ERBB4: variants seen among roughly 807,000 people sequenced by gnomAD.
ERBB4 encodes the protein erb-b2 receptor tyrosine kinase 4.
Under a neutral mutation model 158.0 loss-of-function variants are expected in ERBB4, and 42 were observed. That is an observed-to-expected ratio of 0.27 (90% CI 0.21 to 0.34). ERBB4 has a LOEUF of 0.34. Among genes scored for constraint, ERBB4 ranks in the 10% least tolerant of loss-of-function variants. The pLI is 1.00. For missense variants in ERBB4, 1,333 were observed against 1,624.1 expected (o/e 0.82, Z 3.08); for synonymous variants, 583 against 558.7 (o/e 1.04, Z -0.61).
intron 2 of ERBB4, among the ~76,000 whole-genome samples, chr2:212,074,374 T>C (rs1375652895): frequency 1.3e-5 from 2 of 151,956 alleles, no homozygotes; most frequent in Non-Finnish European, 1.5e-5. Context: ...AACTTGAGGA[T>C]TGCGGATTAT....
At chr2:212,260,726 T>C (rs573704896) in intron 1 of ERBB4, among the ~76,000 whole-genome samples, 2 of 151,878 alleles carry the variant, frequency 1.3e-5, no homozygotes, top group East Asian at 1.9e-4. Flanking sequence ...TCCAGGAGAA[T>C]TGTTTAAACC....
At chr2:211,415,996 T>C (rs1243776637) in intron 25 of ERBB4, among the ~76,000 whole-genome samples, 3 of 152,198 alleles carry the variant, frequency 2.0e-5, no homozygotes, top group Non-Finnish European at 2.9e-5. Context: ...TTCACTAATG[T>C]GGAGTAGCTA....
At chr2:211,966,916 G>A (rs559070205) in intron 2 of ERBB4, among the ~76,000 whole-genome samples, 1 of 152,210 alleles carries the variant, frequency 6.6e-6, no homozygotes, top group Admixed American at 6.5e-5. Context: ...TAGGTCAGGA[G>A]CTTCAGGTGA....
chr2:211,926,704 A>G (rs2080029280), intron 3 of ERBB4, among the ~76,000 whole-genome samples: 1 of 152,088 alleles, frequency 6.6e-6, no homozygotes, highest in Non-Finnish European at 1.5e-5. Context: ...ATCTCTATCT[A>G]TACTTCTCTA....
chr2:211,608,938 CATT>C (rs2069086957), intron 19 of ERBB4, among the ~76,000 whole-genome samples: 1 of 152,086 alleles, frequency 6.6e-6, no homozygotes, highest in African/African-American at 2.4e-5. Flanking sequence ...ACTTTCTAAA[CATT>C]AAGAAGATTT....
intron 2 of ERBB4, among the ~76,000 whole-genome samples, chr2:212,035,123 C>T (rs1406366599): frequency 6.6e-6 from 1 of 152,148 alleles, no homozygotes; most frequent in Non-Finnish European, 1.5e-5. Context: ...TTGAGAAACA[C>T]TATTAAAAGA....
In ERBB4 at chr2:211,939,966, A is replaced by AT. The variant is rs1553517050; in HGVS notation, c.421+7463_421+7464insA. On this transcript the variant is annotated intron_variant, in intron 3 of 27. Transcript: ENST00000342788. ...CGTCTCAAAAAAAAAGGAAAAAAAA[A>AT]ATATATATATATATGTATATAGATA... Among the ~76,000 whole-genome samples, 236 of 137,430 alleles carry AT rather than the reference A, an allele frequency of 1.7e-3. 2 individuals carry two copies. Among genetic ancestry groups the AT allele is most frequent in the South Asian group, 5.1e-3 (23 of 4,492 alleles). The allele number at this position is 137,430 out of a possible 152,430, so 90.2% of individuals were successfully genotyped here.
At chr2:212,293,517 C>T (rs1282584150) in intron 1 of ERBB4, among the ~76,000 whole-genome samples, 1 of 151,996 alleles carries the variant, frequency 6.6e-6, no homozygotes, top group African/African-American at 2.4e-5. Flanking sequence ...ATTTTCTTCA[C>T]ATCTCAATAA....
chr2:211,384,506 A>G (rs1307651058), intron 27 of ERBB4, among the ~76,000 whole-genome samples: 4 of 152,222 alleles, frequency 2.6e-5, no homozygotes, highest in African/African-American at 9.6e-5. Context: ...TGCCAAGATG[A>G]ATAGATGGAG....
chr2:211,937,058 A>G (rs1409215001), intron 3 of ERBB4, among the ~76,000 whole-genome samples: 1 of 152,180 alleles, frequency 6.6e-6, no homozygotes, highest in Non-Finnish European at 1.5e-5. Context: ...ATTTGAATGT[A>G]CTGTATTGTA....
chr2:211,709,245 A>G (rs1397590954), intron 9 of ERBB4, among the ~76,000 whole-genome samples: 11 of 84,070 alleles, frequency 1.3e-4, no homozygotes, highest in African/African-American at 5.5e-4. Flanking sequence ...GTATATATAT[A>G]TATATACACA....
intron 1 of ERBB4, among the ~76,000 whole-genome samples, chr2:212,272,787 T>G (rs992053166): frequency 1.3e-5 from 2 of 151,812 alleles, no homozygotes; most frequent in African/African-American, 2.4e-5. Flanking sequence ...AATTACAGAT[T>G]AATATTTTCT....
At chr2:211,388,235 A>C (rs2062728361) in intron 25 of ERBB4, among the ~76,000 whole-genome samples, 1 of 152,170 alleles carries the variant, frequency 6.6e-6, no homozygotes, top group South Asian at 2.1e-4. Context: ...TTGTACAGAA[A>C]AAGCAAAATT....
chr2:211,424,623 C>T (rs574024790), intron 22 of ERBB4, among the ~76,000 whole-genome samples: 12 of 152,162 alleles, frequency 7.9e-5, no homozygotes, highest in East Asian at 3.9e-4. Context: ...AGTTATACCA[C>T]GTTACAGTCC....
intron 2 of ERBB4, among the ~76,000 whole-genome samples, chr2:211,988,601 T>C (rs1458242535): frequency 6.6e-6 from 1 of 152,036 alleles, no homozygotes; most frequent in African/African-American, 2.4e-5. Context: ...AAATTATTCT[T>C]TACAATTGAA....
intron 1 of ERBB4, among the ~76,000 whole-genome samples, chr2:212,346,307 G>A (rs1010993382): frequency 1.3e-5 from 1 of 74,720 alleles, no homozygotes; most frequent in Non-Finnish European, 3.0e-5. Flanking sequence ...CCTCAATGAT[G>A]GCCCCCCCCA....
intron 1 of ERBB4, among the ~76,000 whole-genome samples, chr2:212,364,679 C>G (rs1340627368): frequency 6.6e-6 from 1 of 151,722 alleles, no homozygotes; most frequent in Non-Finnish European, 1.5e-5. Context: ...GGAATGAGAG[C>G]CAAGGCCACT....
At chr2:211,643,685 A>T (rs1282041794) in intron 16 of ERBB4, among the ~76,000 whole-genome samples, 1 of 151,958 alleles carries the variant, frequency 6.6e-6, no homozygotes, top group Non-Finnish European at 1.5e-5. Context: ...CTGCTTCATC[A>T]TCCTACTCTT....
At chr2:212,389,581 A>G (rs1322213352) in intron 1 of ERBB4, among the ~76,000 whole-genome samples, 3 of 152,046 alleles carry the variant, frequency 2.0e-5, no homozygotes, top group African/African-American at 7.2e-5. Flanking sequence ...TTTAGCAAAT[A>G]TGGAACACTG....
Sources: allele counts gnomAD v4.1 joint callset (sites outside exome capture counted in the v4.1 genomes callset), GRCh38; gene constraint gnomAD v4.1.1; transcripts MANE v1.5; gene names NCBI Gene and HGNC (gene_info 2026-07-23, HGNC 2026-07-21).